SOCS6: variants seen among roughly 807,000 people sequenced by gnomAD.
SOCS6 encodes STAT induced STAT inhibitor-4.
A neutral mutation model predicts 27.7 loss-of-function variants in SOCS6; 5 were observed. The observed-to-expected ratio is 0.18, with a 90% CI of 0.09 to 0.38. SOCS6 has a LOEUF of 0.38. Ranked by LOEUF, SOCS6 falls within the 10% of genes least tolerant of loss-of-function variation. The pLI is 1.00. For synonymous variants in SOCS6, 271 were observed against 260.0 expected (o/e 1.04, Z -0.41); for missense variants, 595 against 688.1 (o/e 0.86, Z 1.51).
At chr18:70,307,441 C>G (rs1332595920) in intron 1 of SOCS6, among the ~76,000 whole-genome samples, 1 of 152,122 alleles carries the variant, frequency 6.6e-6, no homozygotes, top group East Asian at 1.9e-4. Context: ...TTGTTTAAAT[C>G]TTTAGTGGAA....
In SOCS6 at chr18:70,306,256, C is replaced by T. The variant is rs570632830; in HGVS notation, c.-127+17166C>T. ...AAAAGCAGCCGAAGTGGGTGGATCACGAGGTCAGGAGATCAAGACCATCCT... is the reference window on the plus strand; with the variant it reads ...AAAAGCAGCCGAAGTGGGTGGATCATGAGGTCAGGAGATCAAGACCATCCT... On this transcript the variant is annotated intron_variant, in intron 1 of 1. Transcript: ENST00000397942. Among the ~76,000 whole-genome samples, 84 of 151,296 alleles carry T rather than the reference C, an allele frequency of 5.6e-4. No homozygotes were observed. The South Asian group carries it at 9.4e-3, about 17-fold the overall frequency.
In SOCS6 at chr18:70,325,874, A is replaced by G. The variant is rs765698728; in HGVS notation, c.1206A>G (p.Pro402=). 1.2e-6 allele frequency: 2 copies of G among 1,614,208 alleles called. No individual in the cohort carries two copies. The highest frequency in any genetic ancestry group is 1.1e-5 in the South Asian group (1 of 91,084). Residue 402 remains proline, a synonymous_variant, in exon 2 of 2, where the codon CCA becomes CCG. Coordinates refer to ENST00000397942, the MANE Select transcript of SOCS6 (RefSeq NM_004232.4). This position sits in a 1 kb window ranked among gnomAD's most constrained non-coding sequence, Gnocchi z 6.3. ...CAGAAGGGAAGCTAGCAAACGTGCC[A>G]GATGGTTCTTTTCTTGTTCGGGACA... The part of the protein sequence containing the change: ...WEAEGKLANV[P]DGSFLVRDSS...
chr18:70,303,932 A>C (rs994585879), intron 1 of SOCS6, among the ~76,000 whole-genome samples: 3 of 152,202 alleles, frequency 2.0e-5, no homozygotes, highest in African/African-American at 7.2e-5. Context: ...GTGAGGGTTA[A>C]TATTTTTCCA....
intron 1 of SOCS6, among the ~76,000 whole-genome samples, chr18:70,301,351 T>G (rs1447352297): frequency 6.6e-6 from 1 of 152,156 alleles, no homozygotes; most frequent in African/African-American, 2.4e-5. Context: ...GTAGTTGGAT[T>G]CTGCATATGT....
chr18:70,294,594 G>A (rs760759532), intron 1 of SOCS6, among the ~76,000 whole-genome samples: 44 of 152,188 alleles, frequency 2.9e-4, no homozygotes, highest in Non-Finnish European at 4.9e-4. Context: ...TTTTGTTAAG[G>A]AAGCCTAATG....
At chr18:70,318,969 G>A (rs1399137487) in intron 1 of SOCS6, among the ~76,000 whole-genome samples, 2 of 151,916 alleles carry the variant, frequency 1.3e-5, no homozygotes, top group South Asian at 4.2e-4. Context: ...AAAAAGAGAA[G>A]AGAAAAGAAG....
intron 1 of SOCS6, among the ~76,000 whole-genome samples, chr18:70,309,892 G>A (rs2062383596): frequency 6.6e-6 from 1 of 152,114 alleles, no homozygotes; most frequent in Non-Finnish European, 1.5e-5. Context: ...CACCATGTTG[G>A]CCAGGCTGGT....
At chr18:70,294,613 G>A (rs2062315416) in intron 1 of SOCS6, among the ~76,000 whole-genome samples, 1 of 152,244 alleles carries the variant, frequency 6.6e-6, no homozygotes, top group Admixed American at 6.5e-5. Context: ...TGTGGGAAAA[G>A]TGTTTGAGAC....
intron 1 of SOCS6, chr18:70,314,222 C>T (rs368290087): frequency 3.3e-5 from 5 of 152,136 alleles, no homozygotes; most frequent in Non-Finnish European, 7.3e-5. Flanking sequence ...CACCACCACA[C>T]TCCAGCCTGG....
At chr18:70,304,686 T>C (rs1019363830) in intron 1 of SOCS6, among the ~76,000 whole-genome samples, 12 of 152,258 alleles carry the variant, frequency 7.9e-5, no homozygotes, top group Non-Finnish European at 1.3e-4. Flanking sequence ...TACACAGATA[T>C]TCTAGCCTGT....
chr18:70,302,879 C>T (rs2062354574), intron 1 of SOCS6, among the ~76,000 whole-genome samples: 1 of 152,052 alleles, frequency 6.6e-6, no homozygotes. Context: ...AAACAAAAAG[C>T]TACAAAAAAA....
chr18:70,310,629 C>G (rs1218002458), intron 1 of SOCS6, among the ~76,000 whole-genome samples: 1 of 151,910 alleles, frequency 6.6e-6, no homozygotes, highest in Non-Finnish European at 1.5e-5. Flanking sequence ...TCCATCATGC[C>G]AGAAGTGAAT....
At position 70,328,048 on chromosome 18, in the gene SOCS6, ACT is replaced by A. The variant is rs547383692; in HGVS notation, c.*1776_*1777del. On this transcript the variant is annotated 3_prime_UTR_variant, in exon 2 of 2. Transcript: ENST00000397942. ...ATGTTGATTGTACCTTGTTAAAAAG[ACT>A]CTCATTTTCTCATATGTTTTCTCCT... 2.4e-3 allele frequency: 401 copies of A among 166,860 alleles called. 3 individuals are homozygous for A. Among genetic ancestry groups the A allele is most frequent in the African/African-American group, 9.3e-3 (385 of 41,468 alleles). The allele number at this position is 166,860 out of a possible 1,614,324, so 10.3% of individuals were successfully genotyped here.
intron 1 of SOCS6, among the ~76,000 whole-genome samples, chr18:70,315,592 T>TTC (rs2062408249): frequency 6.6e-6 from 1 of 152,204 alleles, no homozygotes; most frequent in Admixed American, 6.5e-5. Context: ...CAATTGAGTT[T>TTC]TCTCTTGCAT....
At chr18:70,314,386 A>G (rs779384348) in intron 1 of SOCS6, 3 of 152,190 alleles carry the variant, frequency 2.0e-5, no homozygotes, top group Non-Finnish European at 4.4e-5. Flanking sequence ...AGTTTAGTCT[A>G]TGATGAACCG....
In SOCS6 at chr18:70,326,259, C is replaced by A; in HGVS notation, c.1591C>A (p.Gln531Lys). 1 of 1,612,448 alleles carries A rather than the reference C, an allele frequency of 6.2e-7. No individual in the cohort carries two copies. The highest frequency in any genetic ancestry group is 8.5e-7 in the Non-Finnish European group (1 of 1,179,002). The part of the protein sequence containing the change: ...PLPNKMKDYL[Q>K]EKHY ...GCCAAACAAAATGAAGGATTATTTA[C>A]AGGAGAAGCACTACTGAAAGATTGA... The change falls in exon 2 of 2, where the codon CAG (glutamine) becomes AAG (lysine). Residue 531 changes from glutamine to lysine, a missense_variant. Transcript: ENST00000397942.
chr18:70,320,800 A>C (rs1474445775), intron 1 of SOCS6, among the ~76,000 whole-genome samples: 2 of 152,124 alleles, frequency 1.3e-5, no homozygotes, highest in Non-Finnish European at 2.9e-5. Flanking sequence ...CAGATAAGAG[A>C]GGGCTACTGT....
chr18:70,303,734 T>C (rs2062357928), intron 1 of SOCS6, among the ~76,000 whole-genome samples: 3 of 152,174 alleles, frequency 2.0e-5, no homozygotes, highest in Admixed American at 6.5e-5. Context: ...GAGGTTGCTG[T>C]GAGCTGAGAT....
chr18:70,292,848 C>T lies in SOCS6; in HGVS notation c.-127+3758C>T, dbSNP rs181517643. Among the ~76,000 whole-genome samples, 37 of 152,324 alleles carry T rather than the reference C, an allele frequency of 2.4e-4. 1 individual carries two copies. The East Asian group carries it at 5.2e-3, about 21-fold the overall frequency. On this transcript the variant is annotated intron_variant, in intron 1 of 1. Coordinates refer to ENST00000397942, the MANE Select transcript of SOCS6 (RefSeq NM_004232.4). ...TAGTTCTGTTTGCCTACAGTGCCTT[C>T]GGTGGCTCCTGTGGTTGGTTCATTC...
Sources: gnomAD v4.1 joint callset for allele counts (sites outside exome capture counted in the v4.1 genomes callset) on GRCh38, gnomAD v4.1.1 for gene constraint, Gnocchi (gnomAD v3.1) non-coding constraint, MANE v1.5 for transcripts, NCBI Gene and HGNC (gene_info 2026-07-23, HGNC 2026-07-21) for gene names.